Variants in ARL15 observed in about 807,000 individuals in gnomAD.
ARL15 encodes the protein ARF like GTPase 15.
ARL15 carries 19 observed loss-of-function variants against 25.2 expected under a neutral mutation model. The ratio of observed to expected loss-of-function variants is 0.75; its 90% CI spans 0.53 to 1.10. The LOEUF (loss-of-function observed/expected upper bound fraction) is 1.10. Among genes scored for constraint, ARL15 ranks in the 50% least tolerant of loss-of-function variants. The pLI is 0.00. For synonymous variants in ARL15, 94 were observed against 86.8 expected (o/e 1.08, Z -0.46); for missense variants, 220 against 246.0 (o/e 0.89, Z 0.71).
chr5:54,071,221 G>C (rs151077022), intron 4 of ARL15, among the ~76,000 whole-genome samples: 1 of 151,978 alleles, frequency 6.6e-6, no homozygotes, highest in African/African-American at 2.4e-5. Flanking sequence ...CCCAGTCTCA[G>C]GTATTCAATT....
At chr5:54,117,347 G>A (rs1752931645) in intron 3 of ARL15, among the ~76,000 whole-genome samples, 1 of 140,412 alleles carries the variant, frequency 7.1e-6, no homozygotes. Flanking sequence ...AGTACATATG[G>A]TACCTGCAAA....
intron 1 of ARL15, among the ~76,000 whole-genome samples, chr5:54,300,220 C>T (rs1004513091): frequency 3.9e-5 from 6 of 152,146 alleles, no homozygotes; most frequent in African/African-American, 9.7e-5. Flanking sequence ...GACACTGAAT[C>T]ACTGTTGAGG....
chr5:54,303,729 A>G (rs1232832425), intron 1 of ARL15, among the ~76,000 whole-genome samples: 1 of 147,064 alleles, frequency 6.8e-6, no homozygotes, highest in Non-Finnish European at 1.5e-5. Context: ...AAAAGAAGAA[A>G]AAGGAGAGGG....
chr5:54,242,128 T>C (rs909929960), intron 1 of ARL15, among the ~76,000 whole-genome samples: 11 of 152,088 alleles, frequency 7.2e-5, no homozygotes, highest in Admixed American at 2.0e-4. Context: ...GTGCCCCTCT[T>C]CTTCTCCTGC....
Position 53,938,683 on chromosome 5 carries a change from G to A in ARL15, c.463-51970C>T, listed in dbSNP as rs571231772. Among the ~76,000 whole-genome samples the A allele has an allele frequency of 3.1e-3, 474 of 152,210 alleles. 2 individuals carry two copies. The highest frequency in any genetic ancestry group is 0.024 in the Middle Eastern group (7 of 294). ...TCTACTAAAAATATAAAAATTGGCC[G>A]GGTGTGGTGCCATGTGCCTCTAGGC... On this transcript the variant is annotated intron_variant, in intron 4 of 4. Transcript: ENST00000504924.
At chr5:54,191,413 T>C (rs1293887456) in intron 1 of ARL15, among the ~76,000 whole-genome samples, 4 of 152,156 alleles carry the variant, frequency 2.6e-5, no homozygotes, top group Non-Finnish European at 5.9e-5. Context: ...TATAACATTA[T>C]AAATGCATTT....
intron 4 of ARL15, among the ~76,000 whole-genome samples, chr5:54,109,963 C>T (rs556938746): frequency 3.3e-5 from 5 of 151,932 alleles, no homozygotes; most frequent in South Asian, 4.2e-4. Context: ...TTTAAAAATA[C>T]ATGTTTTCAC....
chr5:54,109,650 C>G (rs1752687361), intron 4 of ARL15, among the ~76,000 whole-genome samples: 2 of 151,962 alleles, frequency 1.3e-5, no homozygotes, highest in Non-Finnish European at 2.9e-5. Context: ...GTTACAATTA[C>G]AATTCAATAC....
At chr5:54,210,414 G>T (rs1756007976) in intron 1 of ARL15, among the ~76,000 whole-genome samples, 1 of 152,090 alleles carries the variant, frequency 6.6e-6, no homozygotes, top group Admixed American at 6.5e-5. Context: ...TTGGAAACTT[G>T]TACTTCAAGA....
At chr5:53,943,553 T>C (rs1200719735) in intron 4 of ARL15, among the ~76,000 whole-genome samples, 1 of 152,102 alleles carries the variant, frequency 6.6e-6, no homozygotes, top group Non-Finnish European at 1.5e-5. Flanking sequence ...TCATGTTCAG[T>C]TTTTCTGATG....
At chr5:54,069,387 A>G (rs112595381) in intron 4 of ARL15, among the ~76,000 whole-genome samples, 13,024 of 151,854 alleles carry the variant, frequency 0.086, 730 homozygotes, top group African/African-American at 0.15. Context: ...CCTGGCCAAC[A>G]TGGCGAAACC....
At chr5:54,208,706 T>C (rs1229045170) in intron 1 of ARL15, among the ~76,000 whole-genome samples, 1 of 152,102 alleles carries the variant, frequency 6.6e-6, no homozygotes, top group East Asian at 1.9e-4. Flanking sequence ...AAAAACCGAC[T>C]TCCCATGAAC....
intron 4 of ARL15, among the ~76,000 whole-genome samples, chr5:54,057,374 TA>T (rs1750911386): frequency 6.6e-6 from 1 of 152,176 alleles, no homozygotes. Context: ...ATGAAAACCA[TA>T]AGACTGGTAA....
intron 4 of ARL15, among the ~76,000 whole-genome samples, chr5:54,005,308 T>G (rs2111746565): frequency 6.6e-6 from 1 of 152,340 alleles, no homozygotes; most frequent in African/African-American, 2.4e-5. Flanking sequence ...TCTGTTCTCT[T>G]CTTTAGTTCC....
chr5:54,108,291 G>A (rs1752645929), intron 4 of ARL15, among the ~76,000 whole-genome samples: 1 of 152,034 alleles, frequency 6.6e-6, no homozygotes, highest in Admixed American at 6.6e-5. Flanking sequence ...TGTAAGGAAT[G>A]AACGAAAAAC....
intron 3 of ARL15, among the ~76,000 whole-genome samples, chr5:54,141,043 G>T (rs1366994512): frequency 1.3e-5 from 2 of 152,136 alleles, no homozygotes; most frequent in African/African-American, 4.8e-5. Flanking sequence ...CAAAATGGTT[G>T]GGAAGAAAAT....
At chr5:54,103,836 G>A (rs1483526140) in intron 4 of ARL15, among the ~76,000 whole-genome samples, 1 of 152,158 alleles carries the variant, frequency 6.6e-6, no homozygotes, top group African/African-American at 2.4e-5. Flanking sequence ...AGAGGAACAA[G>A]GCCAAAAATA....
At chr5:54,166,872 C>G (rs1561250260) in intron 2 of ARL15, among the ~76,000 whole-genome samples, 2 of 152,162 alleles carry the variant, frequency 1.3e-5, no homozygotes, top group Non-Finnish European at 2.9e-5. Flanking sequence ...TAATCTTTGA[C>G]TGACTGGCAG....
chr5:54,124,490 C>T (rs1342614011), intron 3 of ARL15, among the ~76,000 whole-genome samples: 1 of 152,150 alleles, frequency 6.6e-6, no homozygotes, highest in Non-Finnish European at 1.5e-5. Flanking sequence ...ATCTACCACA[C>T]CTCCACTCTT....
Sources: allele counts gnomAD v4.1 joint callset (sites outside exome capture counted in the v4.1 genomes callset), GRCh38; gene constraint gnomAD v4.1.1; transcripts MANE v1.5; gene names NCBI Gene and HGNC (gene_info 2026-07-23, HGNC 2026-07-21).